IL1RAPL2: variants seen among roughly 807,000 people sequenced by gnomAD.
The protein encoded by IL1RAPL2 is interleukin 1 receptor accessory protein like 2, also known as X-linked interleukin-1 receptor accessory protein-like 2.
Under a neutral mutation model 44.1 loss-of-function variants are expected in IL1RAPL2, and 3 were observed. The observed-to-expected ratio is 0.07, with a 90% CI of 0.03 to 0.18. The LOEUF (loss-of-function observed/expected upper bound fraction) is 0.18. Ranked by LOEUF, IL1RAPL2 falls within the 10% of genes least tolerant of loss-of-function variation. The probability of loss-of-function intolerance (pLI) is 1.00; values close to 1 mark genes in which losing one functional copy is unlikely to be tolerated. For missense variants in IL1RAPL2, 391 were observed against 496.4 expected (o/e 0.79, Z 2.02); for synonymous variants, 181 against 178.8 (o/e 1.01, Z -0.10).
chrX:105,742,014 T>C (rs187021867), intron 8 of IL1RAPL2, among the ~76,000 whole-genome samples: 1 of 111,226 alleles, frequency 9.0e-6, no homozygotes, highest in African/African-American at 3.3e-5. Flanking sequence ...CCCAAACACC[T>C]TGTGGCAAGG....
At chrX:105,709,887 G>A (rs1181140097) in intron 6 of IL1RAPL2, among the ~76,000 whole-genome samples, 1 of 111,503 alleles carries the variant, frequency 9.0e-6, no homozygotes, top group African/African-American at 3.3e-5. Flanking sequence ...AACTTCTATT[G>A]GGATTGGGGC....
At chrX:105,565,426 A>C (rs1470507425) in intron 6 of IL1RAPL2, among the ~76,000 whole-genome samples, 1 of 111,130 alleles carries the variant, frequency 9.0e-6, no homozygotes, top group African/African-American at 3.3e-5. Context: ...TCTACCATGG[A>C]TTTTCTAATT....
chrX:104,886,617 G>T (rs1409456320), intron 2 of IL1RAPL2, among the ~76,000 whole-genome samples: 1 of 112,060 alleles, frequency 8.9e-6, no homozygotes, highest in East Asian at 2.8e-4. Context: ...ATATCCAGTT[G>T]TACCCAACCC....
At chrX:104,911,988 C>T (rs1924252963) in intron 2 of IL1RAPL2, among the ~76,000 whole-genome samples, 6 of 111,888 alleles carry the variant, frequency 5.4e-5, no homozygotes, top group Admixed American at 4.8e-4. Context: ...CCTGTTTCTT[C>T]ATTTACTCTT....
chrX:105,574,588 A>G (rs1361662303), intron 6 of IL1RAPL2, among the ~76,000 whole-genome samples: 2 of 112,161 alleles, frequency 1.8e-5, no homozygotes, highest in Admixed American at 9.4e-5. Flanking sequence ...AGTAGGATCA[A>G]CTAAGAGGAA....
intron 1 of IL1RAPL2, among the ~76,000 whole-genome samples, chrX:104,631,846 T>A (rs1395906229): frequency 9.1e-6 from 1 of 110,263 alleles, no homozygotes; most frequent in Admixed American, 9.6e-5. Flanking sequence ...TTTAGTTTAA[T>A]TAGATCCCAT....
intron 2 of IL1RAPL2, among the ~76,000 whole-genome samples, chrX:105,076,553 T>C (rs1227246804): frequency 1.8e-5 from 2 of 111,424 alleles, no homozygotes; most frequent in Non-Finnish European, 3.8e-5. Context: ...TAGATGTCTA[T>C]TAGGTCCGCT....
chrX:105,585,221 T>C (rs939081266), intron 6 of IL1RAPL2, among the ~76,000 whole-genome samples: 2 of 111,024 alleles, frequency 1.8e-5, no homozygotes, highest in Non-Finnish European at 3.8e-5. Flanking sequence ...TTCTATTGAT[T>C]GATTTTTCTT....
chrX:105,397,812 A>T (rs112642429), intron 5 of IL1RAPL2, among the ~76,000 whole-genome samples: 6,694 of 110,783 alleles, frequency 0.06, 499 homozygotes, highest in African/African-American at 0.21. Context: ...GGCTCAAAAA[A>T]TTTTTTGCTG....
intron 2 of IL1RAPL2, among the ~76,000 whole-genome samples, chrX:104,730,879 C>T (rs1354843057): frequency 9.0e-6 from 1 of 111,240 alleles, no homozygotes; most frequent in Non-Finnish European, 1.9e-5. Context: ...TCCTCTCCAG[C>T]ACCTGTTTTT....
chrX:104,751,542 C>G (rs375927112), intron 2 of IL1RAPL2, among the ~76,000 whole-genome samples: 2 of 110,973 alleles, frequency 1.8e-5, no homozygotes, highest in Non-Finnish European at 3.8e-5. Flanking sequence ...CATTATTGAA[C>G]CAGTTGTTTT....
intron 6 of IL1RAPL2, among the ~76,000 whole-genome samples, chrX:105,569,839 C>T (rs796570293): frequency 9.0e-5 from 10 of 111,467 alleles, no homozygotes; most frequent in African/African-American, 2.6e-4. Flanking sequence ...TATCTGTAAA[C>T]CTTGTTCCTC....
chrX:104,833,509 G>T (rs1033786457), intron 2 of IL1RAPL2, among the ~76,000 whole-genome samples: 2 of 110,854 alleles, frequency 1.8e-5, no homozygotes, highest in Non-Finnish European at 3.8e-5. Context: ...TTTTTAAAGC[G>T]AGCCTTCTGA....
intron 5 of IL1RAPL2, among the ~76,000 whole-genome samples, chrX:105,454,373 G>A (rs907580180): frequency 1.4e-4 from 16 of 111,458 alleles, no homozygotes; most frequent in African/African-American, 4.2e-4. Context: ...CCTTGAGGCC[G>A]AAGAGCCCCT....
chrX:105,248,630 C>G (rs1187808259), intron 4 of IL1RAPL2, among the ~76,000 whole-genome samples: 1 of 101,685 alleles, frequency 9.8e-6, no homozygotes, highest in South Asian at 4.1e-4. Flanking sequence ...ATATAAGGAT[C>G]TCAAATAATT....
At chrX:105,110,762 C>T (rs1019813360) in intron 2 of IL1RAPL2, among the ~76,000 whole-genome samples, 6 of 110,411 alleles carry the variant, frequency 5.4e-5, no homozygotes, top group Admixed American at 9.7e-5. Flanking sequence ...CATAGTGAAA[C>T]CCCATCTCTA....
At chrX:104,731,247 C>G (rs1931911317) in intron 2 of IL1RAPL2, among the ~76,000 whole-genome samples, 1 of 108,718 alleles carries the variant, frequency 9.2e-6, no homozygotes, top group East Asian at 2.9e-4. Flanking sequence ...TCAATTTTGG[C>G]TTTTGTTGCC....
intron 5 of IL1RAPL2, among the ~76,000 whole-genome samples, chrX:105,456,517 T>C (rs748783235): frequency 9.0e-6 from 1 of 111,562 alleles, no homozygotes; most frequent in African/African-American, 3.3e-5. Context: ...TTATTGATAG[T>C]TTTTAACATG....
intron 4 of IL1RAPL2, among the ~76,000 whole-genome samples, chrX:105,262,253 T>C (rs1424704865): frequency 8.9e-6 from 1 of 111,741 alleles, no homozygotes; most frequent in Non-Finnish European, 1.9e-5. Context: ...TATTGATGAC[T>C]TCTAAGCCCT....
Sources: gnomAD v4.1 joint callset for allele counts (sites outside exome capture counted in the v4.1 genomes callset) on GRCh38, gnomAD v4.1.1 for gene constraint, MANE v1.5 for transcripts, NCBI Gene and HGNC (gene_info 2026-07-23, HGNC 2026-07-21) for gene names.